Variants in LINGO2 observed in about 807,000 individuals in gnomAD.
LINGO2 encodes leucine-rich repeat and immunoglobulin-like domain-containing nogo receptor-interacting protein 2.
In LINGO2, 14 loss-of-function variants were observed where a neutral mutation model predicts 30.6. The ratio of observed to expected loss-of-function variants is 0.46; its 90% CI spans 0.30 to 0.72. LINGO2 has a LOEUF of 0.72. LINGO2 is among the 30% of genes least tolerant of loss of function. The probability of loss-of-function intolerance (pLI) is 0.07; values close to 1 mark genes in which losing one functional copy is unlikely to be tolerated. For missense variants in LINGO2, 729 were observed against 751.7 expected (o/e 0.97, Z 0.35); for synonymous variants, 317 against 288.5 (o/e 1.10, Z -1.00).
chr9:29,138,673 G>A, the LINGO2 span, among the ~76,000 whole-genome samples: 43 of 152,164 alleles, frequency 2.8e-4, no homozygotes, highest in African/African-American at 9.6e-4. Flanking sequence ...GGTATGGTAC[G>A]TAGCCCTATG....
At chr9:28,294,056 T>A (rs1416109597) in intron 4 of LINGO2, among the ~76,000 whole-genome samples, 1 of 152,224 alleles carries the variant, frequency 6.6e-6, no homozygotes, top group African/African-American at 2.4e-5. Context: ...TAATCTACAC[T>A]ATTTCAAAAA....
intron 1 of LINGO2, among the ~76,000 whole-genome samples, chr9:28,486,190 T>A (rs1011838841): frequency 6.6e-6 from 1 of 152,172 alleles, no homozygotes; most frequent in African/African-American, 2.4e-5. Flanking sequence ...TGTTGTTCAC[T>A]TCTTCTAATA....
chr9:28,796,497 A>G, the LINGO2 span, among the ~76,000 whole-genome samples: 1 of 152,088 alleles, frequency 6.6e-6, no homozygotes, highest in Admixed American at 6.6e-5. Context: ...TGAGTGCTTA[A>G]TGAATAATTT....
chr9:28,766,014 G>T, the LINGO2 span, among the ~76,000 whole-genome samples: 53 of 152,084 alleles, frequency 3.5e-4, 2 homozygotes, highest in African/African-American at 1.2e-3. Context: ...ACAGAGAAAA[G>T]CTCCGTGACA....
At chr9:28,772,495 T>C in the LINGO2 span, among the ~76,000 whole-genome samples, 1 of 152,180 alleles carries the variant, frequency 6.6e-6, no homozygotes, top group Non-Finnish European at 1.5e-5. Flanking sequence ...GAATAACCAG[T>C]AAAATGAGAC....
At chr9:29,098,388 T>G in the LINGO2 span, among the ~76,000 whole-genome samples, 1 of 152,054 alleles carries the variant, frequency 6.6e-6, no homozygotes, top group African/African-American at 2.4e-5. Flanking sequence ...ACTAGGCAAT[T>G]ATCTAATCTT....
chr9:28,525,467 G>A (rs896883339), intron 1 of LINGO2, among the ~76,000 whole-genome samples: 4 of 152,102 alleles, frequency 2.6e-5, no homozygotes, highest in African/African-American at 9.7e-5. Context: ...CTATATAATG[G>A]AATATTATGC....
At chr9:28,091,438 C>G (rs920589654) in intron 4 of LINGO2, among the ~76,000 whole-genome samples, 4 of 152,142 alleles carry the variant, frequency 2.6e-5, no homozygotes, top group African/African-American at 9.7e-5. Context: ...CTGACAAAAA[C>G]ACAAAACAGG....
the LINGO2 span, among the ~76,000 whole-genome samples, chr9:29,081,973 G>A: frequency 7.9e-5 from 12 of 152,242 alleles, no homozygotes; most frequent in African/African-American, 2.9e-4. Flanking sequence ...TGGGTAGGAA[G>A]AAACAATATC....
the LINGO2 span, among the ~76,000 whole-genome samples, chr9:29,056,647 T>A: frequency 6.6e-6 from 1 of 152,156 alleles, no homozygotes; most frequent in Non-Finnish European, 1.5e-5. Context: ...GGGTTCTTGG[T>A]CATGAAGTTC....
intron 3 of LINGO2, among the ~76,000 whole-genome samples, chr9:28,351,082 T>G (rs913602988): frequency 2.6e-5 from 4 of 151,436 alleles, no homozygotes; most frequent in South Asian, 2.1e-4. Flanking sequence ...ACATCACAAT[T>G]AAAAGAACTA....
chr9:29,145,117 T>C, the LINGO2 span, among the ~76,000 whole-genome samples: 1 of 152,180 alleles, frequency 6.6e-6, no homozygotes, highest in Non-Finnish European at 1.5e-5. Flanking sequence ...ATAATTTACA[T>C]GAAGTAGAAT....
chr9:28,919,632 G>C, the LINGO2 span, among the ~76,000 whole-genome samples: 1 of 152,058 alleles, frequency 6.6e-6, no homozygotes, highest in African/African-American at 2.4e-5. Flanking sequence ...AGGGGTGCAG[G>C]CATGGACATT....
chr9:28,557,965 G>T (rs991684998), intron 1 of LINGO2, among the ~76,000 whole-genome samples: 9 of 135,946 alleles, frequency 6.6e-5, no homozygotes, highest in Non-Finnish European at 1.2e-4. Context: ...ATGGACACAG[G>T]AAGGGGAACA....
intron 4 of LINGO2, among the ~76,000 whole-genome samples, chr9:28,082,831 A>G (rs1825809358): frequency 6.6e-6 from 1 of 152,030 alleles, no homozygotes; most frequent in African/African-American, 2.4e-5. Context: ...CCATCTCATT[A>G]TCCTTCAGTC....
the LINGO2 span, among the ~76,000 whole-genome samples, chr9:28,742,064 C>A: frequency 7.4e-4 from 113 of 152,092 alleles, 2 homozygotes; most frequent in African/African-American, 2.6e-3. Flanking sequence ...CCTTAGTCTT[C>A]AGGCACTGCC....
At chr9:29,127,232 G>A in the LINGO2 span, among the ~76,000 whole-genome samples, 1 of 152,052 alleles carries the variant, frequency 6.6e-6, no homozygotes, top group Non-Finnish European at 1.5e-5. Flanking sequence ...TCTGAAATCT[G>A]TGTTTTCATT....
the LINGO2 span, among the ~76,000 whole-genome samples, chr9:28,697,816 A>G: frequency 9.9e-5 from 15 of 152,158 alleles, no homozygotes; most frequent in East Asian, 2.7e-3. Flanking sequence ...TTATTGCTGC[A>G]ATATTTTATA....
At chr9:28,588,623 A>AAACG (rs1032688212) in intron 1 of LINGO2, among the ~76,000 whole-genome samples, 2 of 151,880 alleles carry the variant, frequency 1.3e-5, no homozygotes, top group African/African-American at 4.8e-5. Flanking sequence ...ACAAACAAAC[A>AAACG]AACATGACGG....
Sources: gnomAD v4.1 joint callset for allele counts (sites outside exome capture counted in the v4.1 genomes callset) on GRCh38, gnomAD v4.1.1 for gene constraint, MANE v1.5 for transcripts, NCBI Gene and HGNC (gene_info 2026-07-23, HGNC 2026-07-21) for gene names.